The following C8orf90 variants were observed in gnomAD, a reference collection of about 807,000 sequenced individuals.
C8orf90 encodes the protein uncharacterized protein C8orf90.
chr8:141,518,645 C>A, the C8orf90 span: 7 of 540,206 alleles, frequency 1.3e-5, no homozygotes, highest in South Asian at 2.4e-5. Flanking sequence ...CCGAGGCCAG[C>A]GCTTCCAGCG....
chr8:141,516,309 C>T, the C8orf90 span, among the ~76,000 whole-genome samples: 6 of 152,212 alleles, frequency 3.9e-5, no homozygotes. Flanking sequence ...AGCCGAACCT[C>T]AGGAAGGTCA....
At chr8:141,516,249 G>A in the C8orf90 span, among the ~76,000 whole-genome samples, 1 of 152,078 alleles carries the variant, frequency 6.6e-6, no homozygotes, top group South Asian at 2.1e-4. Flanking sequence ...CCTGTCTCTT[G>A]ACCCCACTTC....
At chr8:141,518,447 A>T in the C8orf90 span, 1 of 662,380 alleles carries the variant, frequency 1.5e-6, no homozygotes, top group East Asian at 3.2e-5. Flanking sequence ...GACCGCGCAG[A>T]CTTCGACTTC....
chr8:141,518,667 A>G, the C8orf90 span: 2 of 540,714 alleles, frequency 3.7e-6, no homozygotes, highest in Non-Finnish European at 6.5e-6. Flanking sequence ...CGGCACCCCC[A>G]GGCTGGCCCA....
At chr8:141,517,669 C>G in the C8orf90 span, among the ~76,000 whole-genome samples, 1 of 152,232 alleles carries the variant, frequency 6.6e-6, no homozygotes, top group Admixed American at 6.5e-5. Flanking sequence ...TCTACAAGGC[C>G]TGGCGATCTG....
At chr8:141,515,233 T>C in the C8orf90 span, among the ~76,000 whole-genome samples, 3 of 93,836 alleles carry the variant, frequency 3.2e-5, no homozygotes, top group Non-Finnish European at 4.4e-5. Context: ...CATCCATCCA[T>C]CCACCCAACC....
At chr8:141,514,918 A>G in the C8orf90 span, 30 of 609,492 alleles carry the variant, frequency 4.9e-5, no homozygotes, top group Non-Finnish European at 8.8e-5. Context: ...GGGCTGGGCC[A>G]GGATGGGGGC....
the C8orf90 span, among the ~76,000 whole-genome samples, chr8:141,516,684 C>T: frequency 6.6e-6 from 1 of 152,162 alleles, no homozygotes; most frequent in Non-Finnish European, 1.5e-5. Flanking sequence ...CATCATCTCC[C>T]CAGTGTCTAT....
chr8:141,515,405 T>C, the C8orf90 span, among the ~76,000 whole-genome samples: 1 of 146,872 alleles, frequency 6.8e-6, no homozygotes. Flanking sequence ...TCATGGTCAA[T>C]GCCTTCACTC....
chr8:141,518,405 C>T, the C8orf90 span: 1 of 674,292 alleles, frequency 1.5e-6, no homozygotes, highest in Non-Finnish European at 2.7e-6. Flanking sequence ...GGGTCCGACC[C>T]CGCCTGCGGG....
chr8:141,518,457 C>T, the C8orf90 span: 2 of 658,054 alleles, frequency 3.0e-6, no homozygotes, highest in African/African-American at 3.8e-5. Context: ...ACTTCGACTT[C>T]CTGCTGCGCG....
At chr8:141,518,684 G>A in the C8orf90 span, 2 of 536,358 alleles carry the variant, frequency 3.7e-6, no homozygotes, top group Non-Finnish European at 3.3e-6. Context: ...CCCAGGCCCC[G>A]CCGCTGCCCC....
chr8:141,516,153 G>A, the C8orf90 span, among the ~76,000 whole-genome samples: 1 of 152,066 alleles, frequency 6.6e-6, no homozygotes, highest in Admixed American at 6.5e-5. Flanking sequence ...TGTCACTCCA[G>A]CAACTCTTCA....
chr8:141,518,621 C>A, the C8orf90 span: 1 of 505,246 alleles, frequency 2.0e-6, no homozygotes, highest in East Asian at 3.6e-5. Context: ...GCCCCGCCGC[C>A]GCCTTCCCGG....
chr8:141,514,825 A>C, the C8orf90 span: 3 of 690,044 alleles, frequency 4.3e-6, no homozygotes, highest in Admixed American at 2.1e-5. Context: ...TGGGGCTCTG[A>C]GAATGTGGGA....
chr8:141,514,764 G>A, the C8orf90 span: 1 of 701,126 alleles, frequency 1.4e-6, no homozygotes. Flanking sequence ...GCCACTCCAG[G>A]CGAGACACTT....
chr8:141,515,795 C>A, the C8orf90 span, among the ~76,000 whole-genome samples: 7 of 152,224 alleles, frequency 4.6e-5, no homozygotes, highest in Non-Finnish European at 1.0e-4. Context: ...TTGCAGTGGG[C>A]TGCAGCTGAG....
the C8orf90 span, among the ~76,000 whole-genome samples, chr8:141,515,716 G>C: frequency 6.6e-6 from 1 of 151,758 alleles, no homozygotes. Flanking sequence ...CTGCCCCCTC[G>C]CTGGCCCCTC....
the C8orf90 span, among the ~76,000 whole-genome samples, chr8:141,517,515 G>C: frequency 6.6e-6 from 1 of 152,178 alleles, no homozygotes; most frequent in Non-Finnish European, 1.5e-5. Context: ...CCACGGATAG[G>C]CTGAAGGGTG....
Sources: gnomAD v4.1 joint callset for allele counts (sites outside exome capture counted in the v4.1 genomes callset) on GRCh38, gnomAD v4.1.1 for gene constraint, MANE v1.5 for transcripts, NCBI Gene and HGNC (gene_info 2026-07-23, HGNC 2026-07-21) for gene names.